ZMYND11: variants seen among roughly 807,000 people sequenced by gnomAD.
ZMYND11 encodes the protein zinc finger MYND-type containing 11.
A neutral mutation model predicts 84.9 loss-of-function variants in ZMYND11; 9 were observed. The observed-to-expected ratio is 0.11, with a 90% CI of 0.06 to 0.18. The LOEUF is 0.18. ZMYND11 is among the 10% of genes least tolerant of loss of function. The probability of loss-of-function intolerance (pLI) is 1.00; values close to 1 mark genes in which losing one functional copy is unlikely to be tolerated. For synonymous variants in ZMYND11, 250 were observed against 244.1 expected (o/e 1.02, Z -0.23); for missense variants, 409 against 761.0 (o/e 0.54, Z 5.44).
intron 9 of ZMYND11, among the ~76,000 whole-genome samples, chr10:241,467 C>A (rs746282003): frequency 6.6e-6 from 1 of 152,172 alleles, no homozygotes; most frequent in Non-Finnish European, 1.5e-5. Context: ...CATGAGCCAC[C>A]ACACCCAGCG....
chr10:229,626 C>G (rs1448268334), intron 4 of ZMYND11, among the ~76,000 whole-genome samples: 1 of 152,036 alleles, frequency 6.6e-6, no homozygotes, highest in African/African-American at 2.4e-5. Flanking sequence ...TTCTTCAGGT[C>G]TAATAGGTAG....
At chr10:219,007 T>G (rs1946671267) in intron 3 of ZMYND11, among the ~76,000 whole-genome samples, 2 of 152,234 alleles carry the variant, frequency 1.3e-5, no homozygotes, top group South Asian at 4.1e-4. Context: ...ACAGCACTGC[T>G]TCCCCAGCCC....
chr10:241,001 CATACAGCTCTAAGGAAG>C, intron 9 of ZMYND11, 31 bp downstream of exon 9: 1 of 1,520,888 alleles, frequency 6.6e-7, no homozygotes, highest in East Asian at 2.3e-5. Flanking sequence ...AAGTGTGTAA[CATACAGCTCTAAGGAAG>C]TTTATTTCCA....
At chr10:186,885 C>A (rs1938709807) in intron 2 of ZMYND11, among the ~76,000 whole-genome samples, 1 of 151,950 alleles carries the variant, frequency 6.6e-6, no homozygotes, top group African/African-American at 2.4e-5. Flanking sequence ...ACAATATCTC[C>A]CCAAGAAAGA....
intron 1 of ZMYND11, among the ~76,000 whole-genome samples, chr10:172,611 A>G (rs1845614607): frequency 1.3e-5 from 2 of 152,334 alleles, no homozygotes; most frequent in Admixed American, 1.3e-4. Flanking sequence ...GATTAAATAA[A>G]TGATGAGATA....
intron 2 of ZMYND11, among the ~76,000 whole-genome samples, chr10:185,005 G>A (rs1022209579): frequency 6.6e-6 from 1 of 151,932 alleles, no homozygotes; most frequent in Non-Finnish European, 1.5e-5. Context: ...ACCGGGCTTT[G>A]TCCTGGAAAG....
intron 2 of ZMYND11, among the ~76,000 whole-genome samples, chr10:196,280 T>G (rs981681099): frequency 2.6e-5 from 4 of 152,150 alleles, no homozygotes; most frequent in African/African-American, 9.7e-5. Flanking sequence ...CTACGGAAAA[T>G]TTTTTCTGCT....
chr10:248,329 C>T lies in ZMYND11; in HGVS notation c.1228-7C>T. 1 of 1,611,450 alleles carries T rather than the reference C, an allele frequency of 6.2e-7. No homozygotes were observed. The highest frequency in any genetic ancestry group is 8.5e-7 in the Non-Finnish European group (1 of 1,178,298). ...TTTGGCGTCTAAACTCTTGTCTCAC[C>T]TTTTAGGAACCAGAGCCTGAAACAG... On this transcript the variant is annotated splice_region_variant and splice_polypyrimidine_tract_variant and intron_variant, in intron 12 of 14. Coordinates refer to ENST00000381604, the MANE Select transcript of ZMYND11 (RefSeq NM_001370100.5).
At chr10:130,136 AAAACAAACAAC>A (rs1266213032), upstream of ZMYND11, among the ~76,000 whole-genome samples, 18 of 152,182 alleles carry the variant, frequency 1.2e-4, no homozygotes, top group African/African-American at 4.3e-4. Context: ...GCAGTTCTGA[AAAACAAACAAC>A]AAACAAACAA....
At chr10:194,293 C>A (rs1318576297) in intron 2 of ZMYND11, among the ~76,000 whole-genome samples, 2 of 151,980 alleles carry the variant, frequency 1.3e-5, no homozygotes, top group African/African-American at 4.8e-5. Context: ...TGGGCTCAGG[C>A]AGACTACCCA....
chr10:191,749 A>G (rs979749270), intron 2 of ZMYND11, among the ~76,000 whole-genome samples: 2 of 152,240 alleles, frequency 1.3e-5, no homozygotes, highest in East Asian at 3.8e-4. Flanking sequence ...TCTCTACCCG[A>G]ATTCAAATCA....
At chr10:215,564 T>G (rs1045443996) in intron 3 of ZMYND11, among the ~76,000 whole-genome samples, 5 of 151,320 alleles carry the variant, frequency 3.3e-5, no homozygotes, top group African/African-American at 4.8e-5. Context: ...GTTTTTTGTT[T>G]TTTTTTTTTT....
In ZMYND11 at chr10:247,438, G is replaced by A. The variant is rs764737929; in HGVS notation, c.1199G>A (p.Arg400His). ...TQEPRAKKGR[R>H]NQSVEPKKEE... ...GAACCAAGAGCAAAGAAAGGACGAC[G>A]TAATCAAAGTGTGGAGCCCAAAAAG... Residue 400 changes from arginine to histidine, a missense_variant, in exon 12 of 15, where the codon CGT (arginine) becomes CAT (histidine). Physicochemically the swap from Arg to His is conservative, Grantham distance 29. This residue lies in a region of ZMYND11 where 19 missense variants were observed against 60.5 expected (regional missense o/e 0.31). Coordinates refer to ENST00000381604, the MANE Select transcript of ZMYND11 (RefSeq NM_001370100.5). The A allele has an allele frequency of 6.8e-6, 11 of 1,614,020 alleles. No individual in the cohort carries two copies. Among genetic ancestry groups the A allele is most frequent in the African/African-American group, 6.7e-5 (5 of 74,940 alleles).
chr10:141,911 A>T (rs1249826706), intron 1 of ZMYND11, among the ~76,000 whole-genome samples: 1 of 152,236 alleles, frequency 6.6e-6, no homozygotes, highest in Non-Finnish European at 1.5e-5. Context: ...ATACAATATT[A>T]GCTCTCATAA....
At chr10:199,945 G>C (rs1319366027) in intron 2 of ZMYND11, among the ~76,000 whole-genome samples, 1 of 151,700 alleles carries the variant, frequency 6.6e-6, no homozygotes, top group African/African-American at 2.4e-5. Flanking sequence ...ACTCACTGCA[G>C]CCTCTACCTC....
At chr10:144,529 T>A (rs1838254514) in intron 1 of ZMYND11, among the ~76,000 whole-genome samples, 1 of 151,992 alleles carries the variant, frequency 6.6e-6, no homozygotes, top group South Asian at 2.1e-4. Flanking sequence ...GCCTATTTTT[T>A]AAAATAAACT....
At position 189,626 on chromosome 10, in the gene ZMYND11, G is replaced by C. The variant is rs997149356; in HGVS notation, c.116+9498G>C. On this transcript the variant is annotated intron_variant, in intron 2 of 14. Coordinates refer to ENST00000381604, the MANE Select transcript of ZMYND11 (RefSeq NM_001370100.5). ...AAGTAACTGATTCTGAATAAGTAGAGTCCACAGTGAGTTTTTTCCAGCATG... is the reference window on the plus strand; with the variant it reads ...AAGTAACTGATTCTGAATAAGTAGACTCCACAGTGAGTTTTTTCCAGCATG... 1.3e-5 allele frequency among the ~76,000 whole-genome samples: 2 copies of C among 152,146 alleles called. 1 individual carries two copies. Among genetic ancestry groups the C allele is most frequent in the African/African-American group, 4.8e-5 (2 of 41,438 alleles).
At position 253,039 on chromosome 10, in the gene ZMYND11, A is replaced by C. The variant is rs572728265; in HGVS notation, c.*569A>C. 1 of 152,778 alleles carries C rather than the reference A, an allele frequency of 6.5e-6. No homozygotes were observed. The highest frequency in any genetic ancestry group is 1.9e-4 in the East Asian group (1 of 5,188). The allele number at this position is 152,778 out of a possible 1,614,324, so 9.5% of individuals were successfully genotyped here. ...GCTAGTCCTGCATATTTTTTCTTAA[A>C]TATTTCCCAATTGTGTTTTTCATTA... On this transcript the variant is annotated 3_prime_UTR_variant, in exon 15 of 15. Transcript: ENST00000381604.
intron 4 of ZMYND11, among the ~76,000 whole-genome samples, chr10:221,826 T>C (rs1947187270): frequency 6.6e-6 from 1 of 152,154 alleles, no homozygotes; most frequent in Non-Finnish European, 1.5e-5. Context: ...TTTTTTTTGC[T>C]TATATTTTAT....
Sources: gnomAD v4.1 joint callset for allele counts (sites outside exome capture counted in the v4.1 genomes callset) on GRCh38, gnomAD v4.1.1 for gene constraint, gnomAD v4.1.1 regional missense constraint, MANE v1.5 for transcripts, NCBI Gene and HGNC (gene_info 2026-07-23, HGNC 2026-07-21) for gene names.